KIAA1671: variants seen among roughly 807,000 people sequenced by gnomAD.
KIAA1671 encodes uncharacterized protein KIAA1671.
A neutral mutation model predicts 131.2 loss-of-function variants in KIAA1671; 52 were observed. The observed-to-expected ratio is 0.40, with a 90% CI of 0.32 to 0.50. KIAA1671 has a LOEUF of 0.50. KIAA1671 is among the 20% of genes least tolerant of loss of function. The probability of loss-of-function intolerance (pLI) is 0.73; values close to 1 mark genes in which losing one functional copy is unlikely to be tolerated. For synonymous variants in KIAA1671, 1,003 were observed against 961.6 expected (o/e 1.04, Z -0.80); for missense variants, 2,360 against 2,364.2 (o/e 1.00, Z 0.04).
chr22:25,114,888 T>A (rs1324494978), intron 6 of KIAA1671, among the ~76,000 whole-genome samples: 4 of 152,176 alleles, frequency 2.6e-5, no homozygotes, highest in African/African-American at 9.7e-5. Context: ...GGGGGCAGGA[T>A]TTTAGTCTTT....
chr22:25,158,397 T>C (rs1933315787), intron 6 of KIAA1671, among the ~76,000 whole-genome samples: 1 of 152,098 alleles, frequency 6.6e-6, no homozygotes, highest in Non-Finnish European at 1.5e-5. Flanking sequence ...CTCAGGGAGC[T>C]TACAGTTTAG....
chr22:25,041,234 C>T lies in KIAA1671; in HGVS notation c.4104C>T (p.Pro1368=). 3.2e-6 allele frequency: 5 copies of T among 1,551,754 alleles called. 1 individual carries two copies. The South Asian group carries it at 5.9e-5, about 18-fold the overall frequency. ...SGVRVSPKSP[P]TDQKKGTPRK... The stretch of plus-strand genomic sequence containing the variant: ...TCAGGGTGTCACCCAAATCGCCCCC[C>T]ACTGACCAGAAGAAAGGGACCCCAA... Residue 1368 remains proline (P), a synonymous_variant, in exon 5 of 13, where the codon CCC becomes CCT. Coordinates refer to ENST00000358431, the MANE Select transcript of KIAA1671 (RefSeq NM_001145206.2).
intron 6 of KIAA1671, among the ~76,000 whole-genome samples, chr22:25,086,453 A>G (rs1380098068): frequency 6.6e-6 from 1 of 152,244 alleles, no homozygotes; most frequent in African/African-American, 2.4e-5. Flanking sequence ...GAGTGCATAA[A>G]TGAACTTCTT....
intron 6 of KIAA1671, among the ~76,000 whole-genome samples, chr22:25,110,455 G>A (rs1931271252): frequency 6.6e-6 from 1 of 152,184 alleles, no homozygotes; most frequent in Non-Finnish European, 1.5e-5. Context: ...GAGCAGCTCT[G>A]GTGCATGCCT....
At chr22:25,112,621 G>A (rs1931426694) in intron 6 of KIAA1671, 1 of 386,272 alleles carries the variant, frequency 2.6e-6, no homozygotes, top group African/African-American at 2.1e-5. Context: ...CTGTACCTGG[G>A]AAAGAGGCAC....
At chr22:25,130,144 A>C (rs1932371840) in intron 6 of KIAA1671, among the ~76,000 whole-genome samples, 1 of 152,256 alleles carries the variant, frequency 6.6e-6, no homozygotes, top group African/African-American at 2.4e-5. Context: ...TCTTATAAGA[A>C]TATTATAAAT....
chr22:25,136,324 GA>G lies in KIAA1671; in HGVS notation c.4531-34495del, dbSNP rs1442181462. Among the ~76,000 whole-genome samples the G allele has an allele frequency of 2.0e-5, 3 of 152,268 alleles. No homozygotes were observed. The East Asian group carries it at 5.8e-4, about 29-fold the overall frequency. ...TCAGATGAAGAAATCAAGGCTCAGA[GA>G]CAACAAGGGGCTTCACCCAGATCAC... On this transcript the variant is annotated intron_variant, in intron 6 of 12. Transcript: ENST00000358431.
chr22:25,181,910 G>C, intron 10 of KIAA1671, 87 bp downstream of exon 10: 1 of 1,430,628 alleles, frequency 7.0e-7, no homozygotes. Context: ...GGGTGCAGTG[G>C]CTCACGCCTG....
intron 7 of KIAA1671, among the ~76,000 whole-genome samples, chr22:25,172,487 A>T (rs1427406196): frequency 2.0e-5 from 3 of 152,154 alleles, no homozygotes; most frequent in Non-Finnish European, 4.4e-5. Flanking sequence ...AAATCACCCC[A>T]GAGCTGACAG....
intron 5 of KIAA1671, among the ~76,000 whole-genome samples, chr22:25,043,103 C>T (rs1180142590): frequency 2.5e-5 from 3 of 120,162 alleles, no homozygotes; most frequent in African/African-American, 1.0e-4. Flanking sequence ...GAATGGATGG[C>T]AGGGTGGGGG....
intron 6 of KIAA1671, among the ~76,000 whole-genome samples, chr22:25,118,009 A>G (rs1276192011): frequency 6.6e-6 from 1 of 151,824 alleles, no homozygotes; most frequent in Non-Finnish European, 1.5e-5. Context: ...GTGGTGACGC[A>G]TGCCTGTAAT....
At chr22:25,132,923 C>T (rs144297933) in intron 6 of KIAA1671, among the ~76,000 whole-genome samples, 47 of 152,162 alleles carry the variant, frequency 3.1e-4, no homozygotes, top group African/African-American at 1.1e-3. Flanking sequence ...GGCGTGGTGG[C>T]AGGCACCTGT....
At chr22:25,068,572 G>T (rs1466172079) in intron 6 of KIAA1671, among the ~76,000 whole-genome samples, 6 of 152,158 alleles carry the variant, frequency 3.9e-5, no homozygotes, top group Non-Finnish European at 8.8e-5. Context: ...GAGTAGCTGG[G>T]ACTACAGGCG....
chr22:25,010,647 GAACCAC>G, intron 1 of KIAA1671: 1 of 152,106 alleles, frequency 6.6e-6, no homozygotes, highest in Non-Finnish European at 1.5e-5. Context: ...TCCGTTAAAG[GAACCAC>G]AGCCACTGTG....
At position 24,952,921 on chromosome 22, in the gene KIAA1671, C is replaced by G. The variant is rs1047281841; in HGVS notation, c.-208+149C>G. On this transcript the variant is annotated intron_variant, in intron 1 of 12. Transcript: ENST00000358431. This position sits in a 1 kb window ranked among gnomAD's most constrained non-coding sequence, Gnocchi z 4.5. ...CGGGAGAAAAGTTGGCAAAGTTGGC[C>G]GGGGAAGAGGCGGGGAGCCGGAGGA... 6 of 152,172 alleles carry G rather than the reference C, an allele frequency of 3.9e-5. No individual in the cohort carries two copies. Among genetic ancestry groups the G allele is most frequent in the East Asian group, 1.9e-4 (1 of 5,176 alleles). The allele number at this position is 152,172 out of a possible 1,614,324, so 9.4% of individuals were successfully genotyped here. A position where few individuals can be genotyped will look rare whatever the true frequency, so the allele number is the denominator to read the frequency against.
intron 6 of KIAA1671, among the ~76,000 whole-genome samples, chr22:25,067,566 C>T (rs368477491): frequency 2.6e-5 from 4 of 152,166 alleles, no homozygotes; most frequent in African/African-American, 9.6e-5. Context: ...CTCCCTGTCT[C>T]ATGCCTTTCC....
chr22:25,083,880 G>T (rs374044904), intron 6 of KIAA1671, among the ~76,000 whole-genome samples: 171 of 152,274 alleles, frequency 1.1e-3, no homozygotes, highest in African/African-American at 3.6e-3. Flanking sequence ...ACCTGCCCAG[G>T]GGGGAGTGCC....
At chr22:25,083,971 C>T (rs1301921547) in intron 6 of KIAA1671, among the ~76,000 whole-genome samples, 1 of 152,262 alleles carries the variant, frequency 6.6e-6, no homozygotes, top group African/African-American at 2.4e-5. Flanking sequence ...CCGCCTTTGT[C>T]CTCCAGTTCA....
At chr22:25,168,951 T>C (rs560012678) in intron 6 of KIAA1671, among the ~76,000 whole-genome samples, 11 of 152,042 alleles carry the variant, frequency 7.2e-5, no homozygotes, top group Non-Finnish European at 1.5e-4. Flanking sequence ...GTGAGGACAA[T>C]AGGGAACCCC....
Sources: gnomAD v4.1 joint callset for allele counts (sites outside exome capture counted in the v4.1 genomes callset) on GRCh38, gnomAD v4.1.1 for gene constraint, Gnocchi (gnomAD v3.1) non-coding constraint, MANE v1.5 for transcripts, NCBI Gene and HGNC (gene_info 2026-07-23, HGNC 2026-07-21) for gene names.